TMTC2: variants seen among roughly 807,000 people sequenced by gnomAD.
The protein encoded by TMTC2 is protein O-mannosyl-transferase TMTC2.
Under a neutral mutation model 82.4 loss-of-function variants are expected in TMTC2, and 43 were observed. The ratio of observed to expected loss-of-function variants is 0.52; its 90% CI spans 0.41 to 0.67. TMTC2 has a LOEUF of 0.67. Among genes scored for constraint, TMTC2 ranks in the 30% least tolerant of loss-of-function variants. The pLI, the probability that TMTC2 is intolerant of heterozygous loss-of-function variation, is 0.00. For synonymous variants in TMTC2, 408 were observed against 381.9 expected (o/e 1.07, Z -0.80); for missense variants, 919 against 1,012.4 (o/e 0.91, Z 1.25).
chr12:82,953,864 A>T lies in TMTC2; in HGVS notation c.1599-11160A>T, dbSNP rs7136100. 2.1e-4 allele frequency among the ~76,000 whole-genome samples: 32 copies of T among 151,854 alleles called. 1 individual carries two copies. Among genetic ancestry groups the T allele is most frequent in the African/African-American group, 7.2e-4 (30 of 41,474 alleles). On this transcript the variant is annotated intron_variant, in intron 4 of 11. Coordinates refer to ENST00000321196, the MANE Select transcript of TMTC2 (RefSeq NM_152588.3). ...AGAAAAAAAAAAAACCCTTAGTTTCATAGTCCTTATGTGTGTTAAAGGACA... is the reference window on the plus strand; with the variant it reads ...AGAAAAAAAAAAAACCCTTAGTTTCTTAGTCCTTATGTGTGTTAAAGGACA...
intron 3 of TMTC2, among the ~76,000 whole-genome samples, chr12:82,927,528 T>G (rs2137238314): frequency 6.6e-6 from 1 of 152,328 alleles, no homozygotes. Context: ...TGATCTTAGT[T>G]GATAAAGCAG....
intron 1 of TMTC2, among the ~76,000 whole-genome samples, chr12:82,723,481 C>T (rs1874303398): frequency 6.6e-6 from 1 of 152,106 alleles, no homozygotes; most frequent in South Asian, 2.1e-4. Context: ...GGAATATTCG[C>T]ACATACATCA....
chr12:83,038,633 A>G (rs2137435665), intron 9 of TMTC2, among the ~76,000 whole-genome samples: 1 of 152,274 alleles, frequency 6.6e-6, no homozygotes, highest in East Asian at 1.9e-4. Context: ...TAAGGTTATG[A>G]AAGATACATA....
intron 8 of TMTC2, among the ~76,000 whole-genome samples, chr12:83,004,837 G>A (rs909312948): frequency 6.8e-6 from 1 of 147,222 alleles, no homozygotes; most frequent in Non-Finnish European, 1.5e-5. Context: ...TGGCTGGCAG[G>A]CGCGAAGCAG....
chr12:82,809,507 T>C (rs1445373921), intron 1 of TMTC2, among the ~76,000 whole-genome samples: 5 of 152,140 alleles, frequency 3.3e-5, no homozygotes, highest in Non-Finnish European at 7.4e-5. Flanking sequence ...AGATGGATAT[T>C]TTGAGATTGC....
chr12:82,804,669 A>G (rs1271597494), intron 1 of TMTC2, among the ~76,000 whole-genome samples: 4 of 152,078 alleles, frequency 2.6e-5, no homozygotes, highest in Non-Finnish European at 4.4e-5. Context: ...TAAAATTGAC[A>G]TGTCAGTTTT....
At chr12:82,997,184 TC>T (rs1879662699) in intron 8 of TMTC2, among the ~76,000 whole-genome samples, 1 of 53,436 alleles carries the variant, frequency 1.9e-5, no homozygotes, top group Non-Finnish European at 3.7e-5. Context: ...CTCCCACCCC[TC>T]CCCCTCTCCC....
rs1233437847 is a variant in TMTC2 at position 83,133,834 on chromosome 12, C to T, written c.*1445C>T. 1 of 152,102 alleles carries T rather than the reference C, an allele frequency of 6.6e-6. No homozygotes were observed. Among genetic ancestry groups the T allele is most frequent in the Non-Finnish European group, 1.5e-5 (1 of 68,008 alleles). The allele number at this position is 152,102 out of a possible 1,614,324, so 9.4% of individuals were successfully genotyped here. On this transcript the variant is annotated 3_prime_UTR_variant, in exon 12 of 12. Coordinates refer to ENST00000321196, the MANE Select transcript of TMTC2 (RefSeq NM_152588.3). Reference sequence around the variant, plus strand: ...CCTACATATTTATTTATTTATTATTCTACTATAGCAGAATAACAAAACTTG... The same window carrying T: ...CCTACATATTTATTTATTTATTATTTTACTATAGCAGAATAACAAAACTTG...
intron 1 of TMTC2, among the ~76,000 whole-genome samples, chr12:82,699,727 G>A (rs1312469079): frequency 2.6e-5 from 4 of 152,102 alleles, no homozygotes; most frequent in South Asian, 4.1e-4. Flanking sequence ...TATAAAAAAT[G>A]TCTTTCAGAG....
chr12:82,694,720 A>G (rs1478639169), intron 1 of TMTC2, among the ~76,000 whole-genome samples: 1 of 152,068 alleles, frequency 6.6e-6, no homozygotes, highest in Non-Finnish European at 1.5e-5. Context: ...TTTGTCTTTG[A>G]TGATTAATCA....
At chr12:83,005,224 A>AAAAAAAAGG (rs1555204787) in intron 8 of TMTC2, among the ~76,000 whole-genome samples, 1 of 12,658 alleles carries the variant, frequency 7.9e-5, no homozygotes, top group Admixed American at 2.0e-3. Flanking sequence ...AAAAAAAAAA[A>AAAAAAAAGG]GGGGAGAGAG....
intron 1 of TMTC2, among the ~76,000 whole-genome samples, chr12:82,736,056 C>T (rs546331333): frequency 1.7e-4 from 26 of 152,130 alleles, no homozygotes; most frequent in Admixed American, 1.4e-3. Context: ...ATGCCTCCCT[C>T]GCCTTATCCT....
In TMTC2 at chr12:83,057,422, G is replaced by A. The variant is rs970794686; in HGVS notation, c.2268-4346G>A. ...TGACAGAGAAGTTTTCATCTAAGAA[G>A]GCTTAATGGTCATAAACAATTTATT... On this transcript the variant is annotated intron_variant, in intron 10 of 11. Transcript: ENST00000321196. 7.2e-5 allele frequency among the ~76,000 whole-genome samples: 11 copies of A among 151,982 alleles called. No homozygotes were observed. In the East Asian group the frequency reaches 1.9e-3, roughly 27 times the overall value.
intron 3 of TMTC2, among the ~76,000 whole-genome samples, chr12:82,917,510 A>T (rs1875067146): frequency 6.6e-6 from 1 of 152,088 alleles, no homozygotes; most frequent in South Asian, 2.1e-4. Flanking sequence ...TACAAACTGG[A>T]TGATAATGTA....
intron 11 of TMTC2, among the ~76,000 whole-genome samples, chr12:83,115,092 C>T (rs1386867131): frequency 2.6e-5 from 4 of 151,952 alleles, no homozygotes; most frequent in African/African-American, 9.7e-5. Flanking sequence ...GTTCCAATTC[C>T]TTGGGATGAG....
chr12:82,941,663 A>G (rs549721890), intron 4 of TMTC2, among the ~76,000 whole-genome samples: 2 of 152,272 alleles, frequency 1.3e-5, no homozygotes, highest in Non-Finnish European at 2.9e-5. Flanking sequence ...TGAAACAATC[A>G]TTGTCCACAA....
intron 8 of TMTC2, among the ~76,000 whole-genome samples, chr12:82,996,906 A>G (rs1344102734): frequency 6.6e-6 from 1 of 152,104 alleles, no homozygotes; most frequent in East Asian, 1.9e-4. Flanking sequence ...TAAAGCAGAA[A>G]ATTACTTGAT....
chr12:83,061,704 A>C, intron 10 of TMTC2, 64 bp from the exon 11 acceptor site: 1 of 1,384,960 alleles, frequency 7.2e-7, no homozygotes, highest in Non-Finnish European at 9.7e-7. Flanking sequence ...ATTTTACTGC[A>C]CAGTGATCCT....
chr12:82,773,272 A>G (rs994552091), intron 1 of TMTC2, among the ~76,000 whole-genome samples: 2 of 152,168 alleles, frequency 1.3e-5, no homozygotes, highest in Non-Finnish European at 2.9e-5. Context: ...CAAAAGCTTG[A>G]CAGTGATTTA....
Sources: gnomAD v4.1 joint callset for allele counts (sites outside exome capture counted in the v4.1 genomes callset) on GRCh38, gnomAD v4.1.1 for gene constraint, MANE v1.5 for transcripts, NCBI Gene and HGNC (gene_info 2026-07-23, HGNC 2026-07-21) for gene names.